ZBTB20: variants seen among roughly 807,000 people sequenced by gnomAD.
ZBTB20 encodes the protein zinc finger and BTB domain-containing protein 20.
A neutral mutation model predicts 56.9 loss-of-function variants in ZBTB20; 9 were observed. The ratio of observed to expected loss-of-function variants is 0.16; its 90% confidence interval spans 0.10 to 0.28. The LOEUF (loss-of-function observed/expected upper bound fraction) is 0.28. Among genes scored for constraint, ZBTB20 ranks in the 10% least tolerant of loss-of-function variants. ZBTB20 has a pLI of 1.00. For synonymous variants in ZBTB20, 417 were observed against 420.7 expected (o/e 0.99, Z 0.11); for missense variants, 655 against 1,003.0 (o/e 0.65, Z 4.69).
chr3:114,937,554 TG>T (rs1450047596), intron 3 of ZBTB20, among the ~76,000 whole-genome samples: 1 of 151,994 alleles, frequency 6.6e-6, no homozygotes, highest in East Asian at 2.0e-4. Flanking sequence ...CCCAAGTAGC[TG>T]GGACTACAGG....
chr3:114,610,886 T>C (rs1343976703), intron 6 of ZBTB20, among the ~76,000 whole-genome samples: 1 of 152,186 alleles, frequency 6.6e-6, no homozygotes, highest in Non-Finnish European at 1.5e-5. Flanking sequence ...TAGCAACGTG[T>C]ACACACAATT....
chr3:114,425,062 C>T (rs943170474), intron 7 of ZBTB20, among the ~76,000 whole-genome samples: 3 of 149,834 alleles, frequency 2.0e-5, no homozygotes, highest in Middle Eastern at 3.4e-3. Flanking sequence ...TATCTGAATG[C>T]CCTCTTATGC....
chr3:114,668,021 T>C (rs1157710530), intron 6 of ZBTB20, among the ~76,000 whole-genome samples: 9 of 152,018 alleles, frequency 5.9e-5, no homozygotes, highest in Non-Finnish European at 8.8e-5. Flanking sequence ...ATTTTAAAAA[T>C]TGTGTACTAT....
chr3:114,661,696 C>T (rs141647263), intron 6 of ZBTB20, among the ~76,000 whole-genome samples: 110 of 152,130 alleles, frequency 7.2e-4, no homozygotes, highest in South Asian at 4.3e-3. Context: ...GCTTCCAAAA[C>T]CATTTGCTGC....
At chr3:114,447,787 A>G (rs2091357526) in intron 7 of ZBTB20, among the ~76,000 whole-genome samples, 1 of 152,096 alleles carries the variant, frequency 6.6e-6, no homozygotes, top group African/African-American at 2.4e-5. Flanking sequence ...ACTACTTTCA[A>G]CCACTTAGAG....
chr3:114,407,161 A>G (rs569934729), intron 7 of ZBTB20, among the ~76,000 whole-genome samples: 2 of 152,308 alleles, frequency 1.3e-5, no homozygotes, highest in East Asian at 3.9e-4. Context: ...CCTCTCTGCT[A>G]AATGTATTTT....
chr3:114,346,116 G>A (rs898023291), intron 11 of ZBTB20, among the ~76,000 whole-genome samples: 2 of 152,156 alleles, frequency 1.3e-5, no homozygotes, highest in African/African-American at 4.8e-5. Flanking sequence ...GTGGTTAGGT[G>A]AGCAATTTTC....
chr3:114,510,050 AAC>A, intron 6 of ZBTB20, among the ~76,000 whole-genome samples: 1 of 152,286 alleles, frequency 6.6e-6, no homozygotes, highest in South Asian at 2.1e-4. Flanking sequence ...AATACCGTGA[AAC>A]ACAATTACGA....
intron 1 of ZBTB20, among the ~76,000 whole-genome samples, chr3:115,122,256 A>C (rs1465213730): frequency 6.6e-6 from 1 of 152,104 alleles, no homozygotes; most frequent in Non-Finnish European, 1.5e-5. Flanking sequence ...AGGAGTTAAA[A>C]CTGAAATAAC....
intron 7 of ZBTB20, among the ~76,000 whole-genome samples, chr3:114,420,111 C>T (rs1405502315): frequency 2.6e-5 from 4 of 152,082 alleles, no homozygotes; most frequent in African/African-American, 9.7e-5. Flanking sequence ...ACTCTCATTA[C>T]CTGAGTGATC....
At chr3:114,455,060 G>GGA (rs541643450) in intron 7 of ZBTB20, among the ~76,000 whole-genome samples, 86 of 137,820 alleles carry the variant, frequency 6.2e-4, no homozygotes, top group African/African-American at 2.1e-3. Context: ...GAGAGGGGGG[G>GGA]GAGAGAGAGA....
At chr3:114,407,471 A>G (rs1282719695) in intron 7 of ZBTB20, among the ~76,000 whole-genome samples, 1 of 152,206 alleles carries the variant, frequency 6.6e-6, no homozygotes, top group Non-Finnish European at 1.5e-5. Context: ...CTGATCCATT[A>G]TATTTCACTC....
rs533992302 is a variant in ZBTB20 at position 114,551,866 on chromosome 3, C to A, written c.-294-51475G>T. On this transcript the variant is annotated intron_variant, in intron 6 of 11. Coordinates refer to ENST00000675478, the MANE Select transcript of ZBTB20 (RefSeq NM_001348800.3). Reference sequence around the variant, plus strand: ...GTATGGTTTCCAAAGAAATAAAGCTCACAGAACTTTTATTAAGAACACTTT... The same window carrying A: ...GTATGGTTTCCAAAGAAATAAAGCTAACAGAACTTTTATTAAGAACACTTT... Among the ~76,000 whole-genome samples, 7 of 152,204 alleles carry A rather than the reference C, an allele frequency of 4.6e-5. No homozygotes were observed. The East Asian group carries it at 9.7e-4, about 21-fold the overall frequency.
chr3:114,447,538 C>G (rs1037068218), intron 7 of ZBTB20, among the ~76,000 whole-genome samples: 3 of 152,202 alleles, frequency 2.0e-5, no homozygotes, highest in Non-Finnish European at 4.4e-5. Flanking sequence ...CCACCCCACC[C>G]TAGTGCTCCC....
chr3:114,802,461 C>G (rs2071786229), intron 4 of ZBTB20, among the ~76,000 whole-genome samples: 1 of 151,840 alleles, frequency 6.6e-6, no homozygotes, highest in African/African-American at 2.4e-5. Context: ...AGTAAATTCA[C>G]TCATGAATGA....
At chr3:114,548,557 T>G (rs376675913) in intron 6 of ZBTB20, among the ~76,000 whole-genome samples, 13 of 152,046 alleles carry the variant, frequency 8.6e-5, no homozygotes, top group East Asian at 7.7e-4. Context: ...CTCACTGTGT[T>G]GCTCAGGCTG....
intron 2 of ZBTB20, among the ~76,000 whole-genome samples, chr3:115,064,520 T>C (rs2082135439): frequency 6.7e-6 from 1 of 149,636 alleles, no homozygotes; most frequent in Non-Finnish European, 1.5e-5. Flanking sequence ...GGCAAAATCT[T>C]GGCTCACTGC....
intron 7 of ZBTB20, among the ~76,000 whole-genome samples, chr3:114,425,347 G>T (rs1273268344): frequency 2.0e-5 from 3 of 152,160 alleles, no homozygotes; most frequent in Non-Finnish European, 2.9e-5. Flanking sequence ...AGGGGCACTT[G>T]AAGTCCTATT....
intron 6 of ZBTB20, among the ~76,000 whole-genome samples, chr3:114,595,517 A>G (rs756972356): frequency 4.6e-5 from 7 of 152,206 alleles, no homozygotes; most frequent in Non-Finnish European, 7.3e-5. Flanking sequence ...CCTGAATTGA[A>G]ATCAAGATTG....
Sources: gnomAD v4.1 joint callset for allele counts (sites outside exome capture counted in the v4.1 genomes callset) on GRCh38, gnomAD v4.1.1 for gene constraint, MANE v1.5 for transcripts, NCBI Gene and HGNC (gene_info 2026-07-23, HGNC 2026-07-21) for gene names.